Variants in MTMR2 observed in about 807,000 individuals in gnomAD.
The protein encoded by MTMR2 is myotubularin related protein 2.
In MTMR2, 55 loss-of-function variants were observed where a neutral mutation model predicts 86.9. The observed-to-expected ratio is 0.63, with a 90% CI of 0.51 to 0.79. The LOEUF (loss-of-function observed/expected upper bound fraction) is 0.79, where lower values mean the gene tolerates loss of function less well. Among genes scored for constraint, MTMR2 ranks in the 30% least tolerant of loss-of-function variants. MTMR2 has a pLI of 0.00. For synonymous variants in MTMR2, 241 were observed against 266.8 expected (o/e 0.90, Z 0.94); for missense variants, 659 against 772.3 (o/e 0.85, Z 1.74).
At chr11:95,857,981 A>G (rs1019114050) in intron 6 of MTMR2, among the ~76,000 whole-genome samples, 3 of 152,180 alleles carry the variant, frequency 2.0e-5, no homozygotes, top group African/African-American at 4.8e-5. Context: ...TTTGAACTGG[A>G]GTCATAAGAC....
chr11:95,860,426 G>A (rs1304905259), intron 5 of MTMR2, among the ~76,000 whole-genome samples: 2 of 152,160 alleles, frequency 1.3e-5, no homozygotes, highest in East Asian at 1.9e-4. Flanking sequence ...ACTTGAACCC[G>A]GGAGGCAGAG....
At chr11:95,905,126 C>T (rs1349945346) in intron 1 of MTMR2, among the ~76,000 whole-genome samples, 1 of 152,068 alleles carries the variant, frequency 6.6e-6, no homozygotes, top group Non-Finnish European at 1.5e-5. Context: ...TATTCCCTAG[C>T]CAATCCTCTC....
At chr11:95,871,004 G>A (rs974417190) in intron 2 of MTMR2, among the ~76,000 whole-genome samples, 3 of 151,550 alleles carry the variant, frequency 2.0e-5, no homozygotes, top group African/African-American at 7.3e-5. Context: ...TTTTGTCCTT[G>A]TGATAGTTTC....
intron 1 of MTMR2, among the ~76,000 whole-genome samples, chr11:95,904,317 T>C (rs111974384): frequency 0.032 from 4,798 of 152,218 alleles, 133 homozygotes; most frequent in South Asian, 0.073. Flanking sequence ...TCCCTCCAAA[T>C]AGTGCTTCAT....
Position 95,835,217 on chromosome 11 carries a change from A to G in MTMR2, c.*73T>C. 6.7e-7 allele frequency: 1 copy of G among 1,502,620 alleles called. No homozygotes were observed. The highest frequency in any genetic ancestry group is 9.2e-7 in the Non-Finnish European group (1 of 1,083,170). The allele number at this position is 1,502,620 out of a possible 1,614,324, so 93.1% of individuals were successfully genotyped here. A position where few individuals can be genotyped will look rare whatever the true frequency, so the allele number is the denominator to read the frequency against. On this transcript the variant is annotated 3_prime_UTR_variant, in exon 15 of 15. Coordinates refer to ENST00000346299, the MANE Select transcript of MTMR2 (RefSeq NM_016156.6). ...TCTCATAGATGGGTTCTAAATTCCG[A>G]AGACTTTCTACTCATAGAGCTGCCA...
intron 1 of MTMR2, among the ~76,000 whole-genome samples, chr11:95,913,694 C>T (rs1866593394): frequency 6.6e-6 from 1 of 151,560 alleles, no homozygotes; most frequent in African/African-American, 2.4e-5. Flanking sequence ...GAATCTAGCA[C>T]AGTGTGTAAG....
intron 7 of MTMR2, among the ~76,000 whole-genome samples, chr11:95,852,426 C>T (rs79599141): frequency 2.4e-4 from 37 of 152,320 alleles, no homozygotes; most frequent in Non-Finnish European, 4.7e-4. Flanking sequence ...ATTTCTCAAG[C>T]TGTTTCCAAA....
At chr11:95,869,519 C>A (rs1864770849) in intron 2 of MTMR2, among the ~76,000 whole-genome samples, 1 of 152,136 alleles carries the variant, frequency 6.6e-6, no homozygotes, top group African/African-American at 2.4e-5. Flanking sequence ...ATATAGGGAA[C>A]CATAAATCAA....
At chr11:95,870,884 C>T (rs1245327685) in intron 2 of MTMR2, among the ~76,000 whole-genome samples, 2 of 151,914 alleles carry the variant, frequency 1.3e-5, no homozygotes, top group Admixed American at 6.6e-5. Flanking sequence ...TATCCCTCCC[C>T]CCTTCCCCCA....
chr11:95,904,164 C>T (rs1866172825), intron 1 of MTMR2, among the ~76,000 whole-genome samples: 1 of 151,986 alleles, frequency 6.6e-6, no homozygotes, highest in South Asian at 2.1e-4. Flanking sequence ...AACAAAATCC[C>T]TCATTAAACT....
chr11:95,921,362 C>G (rs1355527064), intron 1 of MTMR2, among the ~76,000 whole-genome samples: 1 of 152,108 alleles, frequency 6.6e-6, no homozygotes, highest in African/African-American at 2.4e-5. Context: ...AAATAAACTA[C>G]AATTTAAGGG....
intron 7 of MTMR2, among the ~76,000 whole-genome samples, chr11:95,856,427 ATAAACT>A (rs1257827093): frequency 6.6e-6 from 1 of 151,106 alleles, no homozygotes; most frequent in Non-Finnish European, 1.5e-5. Context: ...TTCTTCTGTA[ATAAACT>A]TAAAATATAT....
intron 2 of MTMR2, chr11:95,887,575 T>C (rs184960181): frequency 1.3e-5 from 2 of 152,404 alleles, no homozygotes; most frequent in African/African-American, 4.8e-5. Flanking sequence ...GTTAATTTCA[T>C]AGAAATGAGA....
intron 2 of MTMR2, among the ~76,000 whole-genome samples, chr11:95,877,353 TTTTTTTTTTTA>T: frequency 6.9e-6 from 1 of 144,414 alleles, no homozygotes. Context: ...TTTTTTTTTT[TTTTTTTTTTTA>T]TATAACACAG....
intron 2 of MTMR2, among the ~76,000 whole-genome samples, chr11:95,866,096 G>A (rs1273918799): frequency 6.6e-6 from 1 of 152,080 alleles, no homozygotes; most frequent in Non-Finnish European, 1.5e-5. Context: ...ATGCTGAAGG[G>A]CCATAGTACA....
intron 7 of MTMR2, among the ~76,000 whole-genome samples, chr11:95,856,798 CAA>C (rs1164703333): frequency 6.6e-6 from 1 of 152,132 alleles, no homozygotes. Flanking sequence ...CCCAGATTCT[CAA>C]AGAGTAGTCC....
At chr11:95,910,431 TG>T (rs1042509219) in intron 1 of MTMR2, among the ~76,000 whole-genome samples, 37 of 152,200 alleles carry the variant, frequency 2.4e-4, no homozygotes, top group Admixed American at 7.9e-4. Context: ...AAGATGCAGA[TG>T]AACAAACATA....
chr11:95,842,954 G>C (rs1682354900), intron 11 of MTMR2, among the ~76,000 whole-genome samples: 1 of 152,042 alleles, frequency 6.6e-6, no homozygotes, highest in East Asian at 1.9e-4. Flanking sequence ...TGGCCTGTGT[G>C]ACAAAACGGG....
chr11:95,880,710 G>T (rs1865292598), intron 2 of MTMR2, among the ~76,000 whole-genome samples: 2 of 151,852 alleles, frequency 1.3e-5, no homozygotes, highest in South Asian at 4.2e-4. Context: ...AAAATATATT[G>T]GTTAAACATT....
Sources: allele counts gnomAD v4.1 joint callset (sites outside exome capture counted in the v4.1 genomes callset), GRCh38; gene constraint gnomAD v4.1.1; transcripts MANE v1.5; gene names NCBI Gene and HGNC (gene_info 2026-07-23, HGNC 2026-07-21).